The following MAP7 variants were observed in gnomAD, a reference collection of about 807,000 sequenced individuals.
MAP7 encodes microtubule associated protein 7.
In MAP7, 52 loss-of-function variants were observed where a neutral mutation model predicts 94.8. That is an observed-to-expected ratio of 0.55 (90% confidence interval 0.44 to 0.69). MAP7 has a LOEUF of 0.69. Among genes scored for constraint, MAP7 ranks in the 30% least tolerant of loss-of-function variants. The pLI is 0.00. For missense variants in MAP7, 940 were observed against 964.6 expected (o/e 0.97, Z 0.34); for synonymous variants, 350 against 357.0 (o/e 0.98, Z 0.22).
chr6:136,360,627 G>T, intron 13 of MAP7, 70 bp downstream of exon 13: 1 of 1,372,306 alleles, frequency 7.3e-7, no homozygotes, highest in Non-Finnish European at 1.0e-6. Context: ...TTTTCTGACG[G>T]CCAGGGCTAG....
chr6:136,546,544 T>G (rs1829752001), intron 1 of MAP7, among the ~76,000 whole-genome samples: 1 of 152,216 alleles, frequency 6.6e-6, no homozygotes, highest in Admixed American at 6.5e-5. Flanking sequence ...TTTTAAAATT[T>G]AACTTCAGTG....
Position 136,501,331 on chromosome 6 carries a change from G to A in MAP7, c.67+49011C>T, listed in dbSNP as rs552906226. Among the ~76,000 whole-genome samples the A allele has an allele frequency of 3.9e-5, 6 of 152,300 alleles. No homozygotes were observed. In the South Asian group the frequency reaches 1.0e-3, roughly 26 times the overall value. On this transcript the variant is annotated intron_variant, in intron 1 of 17. Coordinates refer to ENST00000354570, the MANE Select transcript of MAP7 (RefSeq NM_003980.6). ...TCTTATATTCTTATCACAGGGCCAGGAGGTGGCCTGGAGTCAGAGGGGCCT... is the reference window on the plus strand; with the variant it reads ...TCTTATATTCTTATCACAGGGCCAGAAGGTGGCCTGGAGTCAGAGGGGCCT...
At chr6:136,507,183 G>A (rs1821790303) in intron 1 of MAP7, among the ~76,000 whole-genome samples, 1 of 151,988 alleles carries the variant, frequency 6.6e-6, no homozygotes, top group Admixed American at 6.6e-5. Context: ...AGAAAAGTGG[G>A]GGAAGGCAGC....
chr6:136,506,092 A>C (rs1006347175), intron 1 of MAP7, among the ~76,000 whole-genome samples: 1 of 152,180 alleles, frequency 6.6e-6, no homozygotes, highest in Non-Finnish European at 1.5e-5. Flanking sequence ...TGTAATGTTA[A>C]AGAAAATTCT....
At chr6:136,349,532 C>T (rs989511715) in intron 16 of MAP7, among the ~76,000 whole-genome samples, 1 of 152,132 alleles carries the variant, frequency 6.6e-6, no homozygotes, top group Non-Finnish European at 1.5e-5. Context: ...TGCCACTGCC[C>T]TCGGCTGATC....
chr6:136,469,798 G>A (rs1329955391), intron 1 of MAP7, among the ~76,000 whole-genome samples: 1 of 152,176 alleles, frequency 6.6e-6, no homozygotes, highest in South Asian at 2.1e-4. Context: ...TGGAAATCAA[G>A]GGGAAATAAA....
rs148387002 is a variant in MAP7, at chr6:136,435,296, G to C, written c.68-13497C>G. Among the ~76,000 whole-genome samples, 799 of 152,226 alleles carry C rather than the reference G, an allele frequency of 5.2e-3. 9 individuals are homozygous for C. The highest frequency in any genetic ancestry group is 0.018 in the African/African-American group (766 of 41,534). On this transcript the variant is annotated intron_variant, in intron 1 of 17. Coordinates refer to ENST00000354570, the MANE Select transcript of MAP7 (RefSeq NM_003980.6). ...CAGCTACTCTCCTTGCGTCCCAGGG[G>C]GCAAAGGGCTGTCACAGGCCTGGCC...
chr6:136,499,410 G>A (rs924970365), intron 1 of MAP7, among the ~76,000 whole-genome samples: 4 of 152,092 alleles, frequency 2.6e-5, no homozygotes, highest in African/African-American at 9.7e-5. Flanking sequence ...GGTAAGTACT[G>A]TTATCACCAT....
chr6:136,509,956 C>G (rs1472260256), intron 1 of MAP7, among the ~76,000 whole-genome samples: 2 of 152,272 alleles, frequency 1.3e-5, no homozygotes, highest in East Asian at 3.9e-4. Flanking sequence ...AATCCCAGCT[C>G]TTTGGGAGGC....
chr6:136,405,172 G>A (rs920296200), intron 3 of MAP7, among the ~76,000 whole-genome samples: 1 of 152,104 alleles, frequency 6.6e-6, no homozygotes, highest in African/African-American at 2.4e-5. Flanking sequence ...CATTGATTAC[G>A]TGCCAAGCTG....
chr6:136,426,612 A>G (rs979468570), intron 1 of MAP7, among the ~76,000 whole-genome samples: 1 of 152,232 alleles, frequency 6.6e-6, no homozygotes, highest in African/African-American at 2.4e-5. Flanking sequence ...CATCCAGATA[A>G]GTGAAGAATA....
chr6:136,360,071 G>T, intron 13 of MAP7, 40 bp from the exon 14 acceptor site: 1 of 1,502,618 alleles, frequency 6.7e-7, no homozygotes, highest in East Asian at 2.3e-5. Flanking sequence ...ATTAGACACA[G>T]AAAAAAAGCC....
intron 7 of MAP7, among the ~76,000 whole-genome samples, chr6:136,376,660 T>C (rs1020227863): frequency 2.0e-4 from 30 of 152,336 alleles, no homozygotes; most frequent in African/African-American, 7.2e-4. Flanking sequence ...AAAGCACATT[T>C]ATGATCCTGT....
Position 136,381,919 on chromosome 6 carries a change from C to CACACACACAGAGAG in MAP7, c.637+1751_637+1752insCTCTCTGTGTGTGT, listed in dbSNP as rs373754692. On this transcript the variant is annotated intron_variant, in intron 6 of 17. Coordinates refer to ENST00000354570, the MANE Select transcript of MAP7 (RefSeq NM_003980.6). Reference sequence around the variant, plus strand: ...ACACACACACACACACACACACACACAGAGAGAGAGAGAGAGAATGCATGG... The same window carrying CACACACACAGAGAG: ...ACACACACACACACACACACACACACACACACACAGAGAGAGAGAGAGAGAGAGAGAATGCATGG... Among the ~76,000 whole-genome samples the CACACACACAGAGAG allele has an allele frequency of 5.8e-5, 6 of 102,976 alleles. No individual in the cohort carries two copies. The South Asian group carries it at 1.3e-3, about 22-fold the overall frequency. The allele number at this position is 102,976 out of a possible 152,430, so 67.6% of individuals were successfully genotyped here. A position where few individuals can be genotyped will look rare whatever the true frequency, so the allele number is the denominator to read the frequency against.
chr6:136,395,402 A>G (rs1009451088), intron 3 of MAP7, among the ~76,000 whole-genome samples: 3 of 117,564 alleles, frequency 2.6e-5, no homozygotes, highest in African/African-American at 6.5e-5. Context: ...CCCATTTTTA[A>G]TTTGGATTTT....
chr6:136,352,763 A>G (rs1789596386), intron 16 of MAP7, among the ~76,000 whole-genome samples: 1 of 152,226 alleles, frequency 6.6e-6, no homozygotes, highest in African/African-American at 2.4e-5. Flanking sequence ...TATGAAGGGT[A>G]TGGAAACTAC....
intron 1 of MAP7, among the ~76,000 whole-genome samples, chr6:136,533,822 G>T (rs142830182): frequency 6.6e-6 from 1 of 152,260 alleles, no homozygotes; most frequent in East Asian, 1.9e-4. Context: ...CCATTCATAA[G>T]ATCGGCTCCC....
intron 15 of MAP7, among the ~76,000 whole-genome samples, chr6:136,358,291 T>C (rs1401807153): frequency 6.6e-6 from 1 of 152,158 alleles, no homozygotes; most frequent in African/African-American, 2.4e-5. Context: ...AGGCACAAAC[T>C]ACAGCATTAG....
chr6:136,527,114 T>G, intron 1 of MAP7, among the ~76,000 whole-genome samples: 1 of 152,192 alleles, frequency 6.6e-6, no homozygotes, highest in East Asian at 1.9e-4. Context: ...CTCTGGGCAG[T>G]TGCTACCAGC....
Sources: allele counts gnomAD v4.1 joint callset (sites outside exome capture counted in the v4.1 genomes callset), GRCh38; gene constraint gnomAD v4.1.1; transcripts MANE v1.5; gene names NCBI Gene and HGNC (gene_info 2026-07-23, HGNC 2026-07-21).